Variants in ADAMTS18 observed in about 807,000 individuals in gnomAD.
The protein encoded by ADAMTS18 is A disintegrin and metalloproteinase with thrombospondin motifs 18.
In ADAMTS18, 157 loss-of-function variants were observed where a neutral mutation model predicts 165.9. The ratio of observed to expected loss-of-function variants is 0.95; its 90% confidence interval spans 0.83 to 1.08. ADAMTS18 has a LOEUF of 1.08. Ranked by LOEUF, ADAMTS18 falls within the 50% of genes least tolerant of loss-of-function variation. The pLI, the probability that ADAMTS18 is intolerant of heterozygous loss-of-function variation, is 0.00. For missense variants in ADAMTS18, 2,040 were observed against 1,534.0 expected (o/e 1.33, Z -5.51); for synonymous variants, 782 against 578.2 (o/e 1.35, Z -5.06).
chr16:77,311,316 C>T (rs2055775831), intron 16 of ADAMTS18, among the ~76,000 whole-genome samples: 1 of 152,134 alleles, frequency 6.6e-6, no homozygotes, highest in Admixed American at 6.5e-5. Flanking sequence ...TTTAGCATTT[C>T]ACAAGATTAT....
chr16:77,434,436 C>T lies in ADAMTS18; in HGVS notation c.160G>A (p.Ala54Thr), dbSNP rs773875816. 1.4e-5 allele frequency: 22 copies of T among 1,572,594 alleles called. No homozygotes were observed. The East Asian group carries it at 4.3e-4, about 31-fold the overall frequency. Residue 54 changes from alanine (A) to threonine (T), a missense_variant, in exon 2 of 23, where the codon GCC (alanine) becomes ACC (threonine). By Grantham distance (58) the Ala-to-Thr change is moderately conservative. Transcript: ENST00000282849. ...TACGAACCATCATTTAATCCGCTGG[C>T]GCCGCTGCTGCTGTCACTGGCTAAG... ...AALASDSSSG[A>T]SGLNDDYVFV... is the part of the protein sequence containing the mutation.
At chr16:77,299,744 G>C (rs1212218558) in intron 17 of ADAMTS18, among the ~76,000 whole-genome samples, 1 of 152,170 alleles carries the variant, frequency 6.6e-6, no homozygotes, top group East Asian at 1.9e-4. Flanking sequence ...TTCCTTGCAA[G>C]GGTTGTCTCA....
chr16:77,431,624 A>C lies in ADAMTS18; in HGVS notation c.179-13T>G. The C allele has an allele frequency of 1.2e-6, 2 of 1,613,294 alleles. No individual in the cohort carries two copies. Among genetic ancestry groups the C allele is most frequent in the Non-Finnish European group, 1.7e-6 (2 of 1,179,874 alleles). ...ACAAAGACGTAATCTGCAATGGGAA[A>C]AGTTCAGCTGTCAGCACCCAGAGCC... On this transcript the variant is annotated splice_polypyrimidine_tract_variant and intron_variant, in intron 2 of 22. Coordinates refer to ENST00000282849, the MANE Select transcript of ADAMTS18 (RefSeq NM_199355.4).
At chr16:77,347,889 A>G (rs1201106508) in intron 10 of ADAMTS18, among the ~76,000 whole-genome samples, 3 of 152,108 alleles carry the variant, frequency 2.0e-5, no homozygotes, top group African/African-American at 4.8e-5. Context: ...ATTTATTTTT[A>G]TGTACTTTAG....
chr16:77,363,585 CATAT>C (rs1450204798), intron 6 of ADAMTS18, among the ~76,000 whole-genome samples: 1 of 150,764 alleles, frequency 6.6e-6, no homozygotes, highest in Non-Finnish European at 1.5e-5. Context: ...TATACATATG[CATAT>C]ATAAATATAT....
chr16:77,286,538 T>TATGAATGC (rs1241915309), intron 22 of ADAMTS18, among the ~76,000 whole-genome samples: 2 of 152,208 alleles, frequency 1.3e-5, no homozygotes, highest in Non-Finnish European at 2.9e-5. Flanking sequence ...TTCCCAGTTT[T>TATGAATGC]ATGAATGCTC....
intron 19 of ADAMTS18, among the ~76,000 whole-genome samples, chr16:77,294,624 T>G (rs1368899241): frequency 6.6e-6 from 1 of 152,212 alleles, no homozygotes; most frequent in East Asian, 1.9e-4. Flanking sequence ...CTTTGGAGAA[T>G]TCAGTAGCCA....
At chr16:77,334,732 CTAT>C (rs2056267801) in intron 12 of ADAMTS18, among the ~76,000 whole-genome samples, 1 of 100,906 alleles carries the variant, frequency 9.9e-6, no homozygotes, top group Non-Finnish European at 2.0e-5. Flanking sequence ...CTACTATATA[CTAT>C]AGTATATATA....
At chr16:77,333,371 T>C (rs1183113632) in intron 12 of ADAMTS18, among the ~76,000 whole-genome samples, 1 of 151,836 alleles carries the variant, frequency 6.6e-6, no homozygotes, top group Non-Finnish European at 1.5e-5. Context: ...GCTTAAAGCT[T>C]AGATGATGGG....
chr16:77,400,520 C>T (rs1219108522), intron 3 of ADAMTS18, among the ~76,000 whole-genome samples: 5 of 146,138 alleles, frequency 3.4e-5, no homozygotes, highest in Admixed American at 6.9e-5. Flanking sequence ...CTCGCTCTGT[C>T]GCCCAGGCTG....
chr16:77,334,774 CTATAG>C lies in ADAMTS18; in HGVS notation c.1859+977_1859+981del, dbSNP rs1248291281. Reference sequence around the variant, plus strand: ...TATACTATAGTATACAGTATATATACTATAGTATACAGTAAATATACTATATACTA... The same window carrying C: ...TATACTATAGTATACAGTATATATACTATACAGTAAATATACTATATACTA... On this transcript the variant is annotated intron_variant, in intron 12 of 22. Coordinates refer to ENST00000282849, the MANE Select transcript of ADAMTS18 (RefSeq NM_199355.4). Among the ~76,000 whole-genome samples the C allele has an allele frequency of 3.0e-5, 3 of 101,428 alleles. No individual in the cohort carries two copies. In the East Asian group the frequency reaches 9.8e-4, roughly 33 times the overall value. 66.5% of individuals were successfully genotyped at this position (101,428 alleles called of 152,430 possible).
intron 3 of ADAMTS18, among the ~76,000 whole-genome samples, chr16:77,385,515 A>G (rs2057094290): frequency 6.6e-6 from 1 of 152,156 alleles, no homozygotes. Flanking sequence ...GATGCACACT[A>G]TCAGAAAGAC....
Position 77,362,276 on chromosome 16 carries a change from C to T in ADAMTS18, c.1057-12G>A. ...ATCAATAATCCTCCCTATGGGAAACCCACACAAATCAAAGTGTGAATTTGT... is the reference window on the plus strand; with the variant it reads ...ATCAATAATCCTCCCTATGGGAAACTCACACAAATCAAAGTGTGAATTTGT... On this transcript the variant is annotated splice_polypyrimidine_tract_variant and intron_variant, in intron 6 of 22. Transcript: ENST00000282849. The T allele has an allele frequency of 6.2e-7, 1 of 1,613,944 alleles. No individual in the cohort carries two copies. The highest frequency in any genetic ancestry group is 8.5e-7 in the Non-Finnish European group (1 of 1,179,968).
rs2055319132 is a variant in ADAMTS18, at chr16:77,289,366, A to G, written c.3448T>C (p.Cys1150Arg). 6.2e-7 allele frequency: 1 copy of G among 1,613,992 alleles called. No homozygotes were observed. The highest frequency in any genetic ancestry group is 1.3e-5 in the African/African-American group (1 of 74,902). ...GGGVQTRSVH[C>R]VQQGRPSSSC... ...GAGGAAGGCCGGCCTTGCTGAACAC[A>G]GTGGACTGACCGGGTCTGGACCCCT... is the stretch of plus-strand genomic sequence containing the variant. Residue 1150 changes from cysteine (C) to arginine (R), a missense_variant, in exon 22 of 23, where the codon TGT becomes CGT. By Grantham distance (180) the Cys-to-Arg change is radical (BLOSUM62 -3). Coordinates refer to ENST00000282849, the MANE Select transcript of ADAMTS18 (RefSeq NM_199355.4).
chr16:77,381,009 G>A (rs979314025), intron 3 of ADAMTS18, among the ~76,000 whole-genome samples: 1 of 152,040 alleles, frequency 6.6e-6, no homozygotes, highest in Non-Finnish European at 1.5e-5. Flanking sequence ...GGAGTAGCTG[G>A]GATTACAAGT....
At chr16:77,417,752 C>A (rs1003557119) in intron 3 of ADAMTS18, among the ~76,000 whole-genome samples, 8 of 152,168 alleles carry the variant, frequency 5.3e-5, no homozygotes, top group Non-Finnish European at 7.3e-5. Context: ...TAATAATAAT[C>A]ATCATCATAA....
chr16:77,337,749 C>A lies in ADAMTS18; in HGVS notation c.1711-1845G>T, dbSNP rs151232572. Among the ~76,000 whole-genome samples the A allele has an allele frequency of 3.9e-5, 6 of 152,306 alleles. No individual in the cohort carries two copies. The East Asian group carries it at 1.2e-3, about 29-fold the overall frequency. On this transcript the variant is annotated intron_variant, in intron 11 of 22. Coordinates refer to ENST00000282849, the MANE Select transcript of ADAMTS18 (RefSeq NM_199355.4). Reference sequence around the variant, plus strand: ...AGTATTACGTTAGGCTGCTATCACACTGTCTCCATTTGGCCTTTTAATCAG... The same window carrying A: ...AGTATTACGTTAGGCTGCTATCACAATGTCTCCATTTGGCCTTTTAATCAG...
chr16:77,411,301 G>C (rs74316403), intron 3 of ADAMTS18, among the ~76,000 whole-genome samples: 1,896 of 152,180 alleles, frequency 0.012, 18 homozygotes, highest in South Asian at 0.045. Context: ...ACCTTTCCTG[G>C]CATTCTGTAT....
intron 3 of ADAMTS18, among the ~76,000 whole-genome samples, chr16:77,382,491 T>C (rs375958143): frequency 2.0e-5 from 3 of 152,320 alleles, no homozygotes; most frequent in African/African-American, 7.2e-5. Flanking sequence ...ATTACAGGTG[T>C]GAGCCACCGT....
Sources: gnomAD v4.1 joint callset for allele counts (sites outside exome capture counted in the v4.1 genomes callset) on GRCh38, gnomAD v4.1.1 for gene constraint, MANE v1.5 for transcripts, NCBI Gene and HGNC (gene_info 2026-07-23, HGNC 2026-07-21) for gene names.